The following SEMA3C variants were observed in gnomAD, a reference collection of about 807,000 sequenced individuals.
SEMA3C encodes semaphorin-3C.
A neutral mutation model predicts 89.4 loss-of-function variants in SEMA3C; 47 were observed. That is an observed-to-expected ratio of 0.53 (90% CI 0.42 to 0.67). The LOEUF is 0.67. Among genes scored for constraint, SEMA3C ranks in the 30% least tolerant of loss-of-function variants. The probability of loss-of-function intolerance (pLI) is 0.00; values close to 1 mark genes in which losing one functional copy is unlikely to be tolerated. For synonymous variants in SEMA3C, 310 were observed against 320.2 expected, an observed-to-expected ratio of 0.97 and a Z score of 0.34; for missense variants, 839 against 929.1, an observed-to-expected ratio of 0.90 and a Z score of 1.26.
intron 2 of SEMA3C, among the ~76,000 whole-genome samples, chr7:80,895,006 C>T (rs1399414972): frequency 6.6e-6 from 1 of 152,134 alleles, no homozygotes; most frequent in African/African-American, 2.4e-5. Flanking sequence ...TGAGAAATAA[C>T]ACTGTAAAAT....
At chr7:80,833,767 G>A (rs914059349) in intron 2 of SEMA3C, among the ~76,000 whole-genome samples, 1 of 151,574 alleles carries the variant, frequency 6.6e-6, no homozygotes, top group Admixed American at 6.6e-5. Flanking sequence ...GGAGAGAAAC[G>A]ACCATTTTTT....
At chr7:80,876,033 G>C (rs528381779) in intron 2 of SEMA3C, among the ~76,000 whole-genome samples, 1 of 152,152 alleles carries the variant, frequency 6.6e-6, no homozygotes, top group South Asian at 2.1e-4. Context: ...CACGGAGAAG[G>C]TATTAAATTT....
At chr7:80,919,550 T>C (rs902310297), upstream of SEMA3C, among the ~76,000 whole-genome samples, 52 of 145,554 alleles carry the variant, frequency 3.6e-4, no homozygotes, top group African/African-American at 1.3e-3. Flanking sequence ...TTTGTCCTTA[T>C]TCTGCTGCGT....
At position 80,815,554 on chromosome 7, in the gene SEMA3C, C is replaced by CAA. The variant is rs761990267; in HGVS notation, c.447+2743_447+2744dup. Among the ~76,000 whole-genome samples, 30 of 58,840 alleles carry CAA rather than the reference C, an allele frequency of 5.1e-4. 1 individual carries two copies. The highest frequency in any genetic ancestry group is 1.5e-3 in the African/African-American group (23 of 15,574). The allele number at this position is 58,840 out of a possible 152,430, so 38.6% of individuals were successfully genotyped here. A position where few individuals can be genotyped will look rare whatever the true frequency, so the allele number is the denominator to read the frequency against. On this transcript the variant is annotated intron_variant, in intron 5 of 17. Transcript: ENST00000265361. ...AAACCCAATCCTTTCTTTAAATGGG[C>CAA]AAAAAAAAAAAAAAAAAAAGTAAAT...
intron 2 of SEMA3C, among the ~76,000 whole-genome samples, chr7:80,846,211 G>C (rs1406097112): frequency 6.6e-6 from 1 of 152,090 alleles, no homozygotes; most frequent in African/African-American, 2.4e-5. Context: ...TCCTCAGCCT[G>C]ATGCCTGGTA....
intron 2 of SEMA3C, among the ~76,000 whole-genome samples, chr7:80,853,575 A>C (rs1296775390): frequency 6.6e-6 from 1 of 152,162 alleles, no homozygotes; most frequent in African/African-American, 2.4e-5. Context: ...AAAGCAATTG[A>C]ACTCAGGGAG....
intron 4 of SEMA3C, among the ~76,000 whole-genome samples, chr7:80,822,154 G>A (rs1789763966): frequency 6.6e-6 from 1 of 152,104 alleles, no homozygotes; most frequent in South Asian, 2.1e-4. Flanking sequence ...GGAATGAATA[G>A]ACTCAATCAA....
upstream of SEMA3C, chr7:80,919,193 C>A (rs1792354126): frequency 1.0e-6 from 1 of 985,036 alleles, no homozygotes; most frequent in Non-Finnish European, 1.2e-6. Flanking sequence ...CTCCGCCAGC[C>A]GCGAGGCCCC....
At chr7:80,918,078 C>G (rs1489649452) in intron 1 of SEMA3C, among the ~76,000 whole-genome samples, 1 of 152,142 alleles carries the variant, frequency 6.6e-6, no homozygotes, top group African/African-American at 2.4e-5. Flanking sequence ...TCAAAAGAAA[C>G]AGTTTCTTCC....
At chr7:80,916,057 T>C (rs530652299) in intron 2 of SEMA3C, among the ~76,000 whole-genome samples, 35 of 152,196 alleles carry the variant, frequency 2.3e-4, no homozygotes, top group Non-Finnish European at 4.1e-4. Context: ...GCACCTTTTA[T>C]GTATGTGAAA....
At chr7:80,818,454 A>T in intron 4 of SEMA3C, 36 bp from the exon 5 acceptor site, 2 of 1,597,014 alleles carry the variant, frequency 1.3e-6, no homozygotes, top group Non-Finnish European at 1.7e-6. Flanking sequence ...TAGTAACTCA[A>T]TGACTTTCAT....
chr7:80,795,752 G>T (rs1386971930), intron 11 of SEMA3C, among the ~76,000 whole-genome samples: 1 of 152,192 alleles, frequency 6.6e-6, no homozygotes, highest in Non-Finnish European at 1.5e-5. Flanking sequence ...GTTGTCACGT[G>T]GGTGAAGAGC....
chr7:80,851,866 A>C (rs927258448), intron 2 of SEMA3C, among the ~76,000 whole-genome samples: 7 of 152,228 alleles, frequency 4.6e-5, no homozygotes, highest in Non-Finnish European at 8.8e-5. Flanking sequence ...CATTTTCATG[A>C]AAGAAGACAA....
chr7:80,873,452 G>C (rs1364069281), intron 2 of SEMA3C, among the ~76,000 whole-genome samples: 1 of 152,162 alleles, frequency 6.6e-6, no homozygotes, highest in African/African-American at 2.4e-5. Context: ...TTTAAGTGGA[G>C]ACTTTGCCTA....
chr7:80,802,940 ATAG>A (rs1466123451), intron 8 of SEMA3C, among the ~76,000 whole-genome samples, 161 bp from the exon 9 acceptor site: 1 of 152,200 alleles, frequency 6.6e-6, no homozygotes, highest in Non-Finnish European at 1.5e-5. Context: ...TTTATGACTT[ATAG>A]TATTTTATAC....
chr7:80,822,114 C>A (rs997787988), intron 4 of SEMA3C, among the ~76,000 whole-genome samples: 1 of 152,238 alleles, frequency 6.6e-6, no homozygotes, highest in South Asian at 2.1e-4. Flanking sequence ...TCATTCTATG[C>A]GAGGCACTAC....
chr7:80,896,047 C>T (rs953693760), intron 2 of SEMA3C, among the ~76,000 whole-genome samples: 1 of 151,874 alleles, frequency 6.6e-6, no homozygotes, highest in African/African-American at 2.4e-5. Context: ...TTTAGTTTAT[C>T]TTATCAATTG....
intron 2 of SEMA3C, among the ~76,000 whole-genome samples, chr7:80,836,042 C>A (rs1790117383): frequency 6.6e-6 from 1 of 152,150 alleles, no homozygotes; most frequent in African/African-American, 2.4e-5. Flanking sequence ...TTGCTCTGGA[C>A]ATGGGTCTGC....
intron 2 of SEMA3C, among the ~76,000 whole-genome samples, chr7:80,899,078 T>A (rs1791810814): frequency 6.6e-6 from 1 of 152,244 alleles, no homozygotes; most frequent in Admixed American, 6.5e-5. Flanking sequence ...TCTCGCTCTG[T>A]TGGCCAGGCT....
Sources: gnomAD v4.1 joint callset for allele counts (sites outside exome capture counted in the v4.1 genomes callset) on GRCh38, gnomAD v4.1.1 for gene constraint, MANE v1.5 for transcripts, NCBI Gene and HGNC (gene_info 2026-07-23, HGNC 2026-07-21) for gene names.